CRTC1: variants seen among roughly 807,000 people sequenced by gnomAD.
The protein encoded by CRTC1 is CREB regulated transcription coactivator 1, also known as CREB-regulated transcription coactivator 1.
CRTC1 carries 18 observed loss-of-function variants against 66.1 expected under a neutral mutation model. The observed-to-expected ratio is 0.27, with a 90% CI of 0.19 to 0.40. The LOEUF is 0.40. Among genes scored for constraint, CRTC1 ranks in the 10% least tolerant of loss-of-function variants. CRTC1 has a pLI of 1.00. For missense variants in CRTC1, 669 were observed against 887.9 expected (o/e 0.75, Z 3.13); for synonymous variants, 416 against 398.8 (o/e 1.04, Z -0.51).
intron 1 of CRTC1, among the ~76,000 whole-genome samples, chr19:18,700,254 G>A (rs1192857736): frequency 6.6e-6 from 1 of 152,156 alleles, no homozygotes; most frequent in Non-Finnish European, 1.5e-5. Context: ...GGCCCAGAGG[G>A]GCTGAGTCTG....
chr19:18,695,771 A>G (rs2052970832), intron 1 of CRTC1, among the ~76,000 whole-genome samples: 1 of 152,154 alleles, frequency 6.6e-6, no homozygotes, highest in South Asian at 2.1e-4. Context: ...AGGGTGAGGC[A>G]GGAGAATGGC....
Position 18,745,832 on chromosome 19 carries a change from C to G in CRTC1, c.253C>G (p.Gln85Glu). ...TCTCCTCCTCCCCCAGACCCCCTTC[C>G]AATCCTCGGGCCTGGACACCAGCCG... ...TMDLPFQTPF[Q>E]SSGLDTSRTT... The change falls in exon 3 of 14, where the codon CAA becomes GAA. Residue 85 changes from glutamine to glutamate, a missense_variant. Transcript: ENST00000321949. 5.0e-6 allele frequency: 8 copies of G among 1,613,912 alleles called. No homozygotes were observed. The highest frequency in any genetic ancestry group is 6.8e-6 in the Non-Finnish European group (8 of 1,179,946).
In CRTC1 at chr19:18,781,609, GGGGAGTTCCTGAGGGCAT is replaced by G. The variant is rs1157527490; in HGVS notation, c.*4231_*4248del. 4.4e-6 allele frequency: 1 copy of G among 229,618 alleles called. No individual in the cohort carries two copies. The highest frequency in any genetic ancestry group is 8.6e-6 in the Non-Finnish European group (1 of 115,838). The allele number at this position is 229,618 out of a possible 1,614,324, so 14.2% of individuals were successfully genotyped here. A position where few individuals can be genotyped will look rare whatever the true frequency, so the allele number is the denominator to read the frequency against. ...AGTTGTACCCCCAGGCCTGGGTGCT[GGGGAGTTCCTGAGGGCAT>G]GGGTGGGGCAGGAGTGAGTGCCTCG... On this transcript the variant is annotated 3_prime_UTR_variant, in exon 14 of 14. Transcript: ENST00000321949.
intron 1 of CRTC1, among the ~76,000 whole-genome samples, chr19:18,709,774 T>C (rs1050980112): frequency 1.3e-5 from 2 of 152,136 alleles, no homozygotes; most frequent in African/African-American, 4.8e-5. Context: ...AGTTAGGACC[T>C]GAGGGCTCCG....
At chr19:18,720,836 T>G (rs1222527065) in intron 1 of CRTC1, among the ~76,000 whole-genome samples, 1 of 145,178 alleles carries the variant, frequency 6.9e-6, no homozygotes, top group Non-Finnish European at 1.5e-5. Flanking sequence ...TCTCTGCTCA[T>G]GTACACTATG....
chr19:18,765,908 C>T (rs1454364472), intron 9 of CRTC1, among the ~76,000 whole-genome samples: 2 of 151,946 alleles, frequency 1.3e-5, no homozygotes, highest in East Asian at 1.9e-4. Flanking sequence ...CTGCAGTGAG[C>T]CATGATCACA....
At chr19:18,772,262 C>A (rs2145855669) in intron 11 of CRTC1, among the ~76,000 whole-genome samples, 1 of 152,330 alleles carries the variant, frequency 6.6e-6, no homozygotes, top group South Asian at 2.1e-4. Flanking sequence ...CCCCACTCAG[C>A]CTCCTCCTGT....
At chr19:18,718,062 G>T (rs1014744519) in intron 1 of CRTC1, among the ~76,000 whole-genome samples, 2 of 152,172 alleles carry the variant, frequency 1.3e-5, no homozygotes, top group Non-Finnish European at 2.9e-5. Context: ...GGCGTTTGGC[G>T]CATTCACAGT....
At chr19:18,735,062 G>A (rs1600881001) in intron 1 of CRTC1, among the ~76,000 whole-genome samples, 1 of 152,242 alleles carries the variant, frequency 6.6e-6, no homozygotes, top group South Asian at 2.1e-4. Context: ...ACGGGCTTCT[G>A]AGCAAAATGC....
intron 1 of CRTC1, among the ~76,000 whole-genome samples, chr19:18,730,395 C>T (rs1268968829): frequency 2.6e-5 from 4 of 152,032 alleles, no homozygotes; most frequent in African/African-American, 7.2e-5. Flanking sequence ...GGGGTGGAGT[C>T]GGGGTCACAT....
In CRTC1 at chr19:18,777,316, C is replaced by T; in HGVS notation, c.1839C>T (p.Leu613=). The T allele has an allele frequency of 1.2e-6, 2 of 1,611,266 alleles. No homozygotes were observed. Among genetic ancestry groups the T allele is most frequent in the Non-Finnish European group, 1.7e-6 (2 of 1,179,984 alleles). Residue 613 remains leucine (L), a synonymous_variant, in exon 14 of 14, where the codon CTC becomes CTT. Coordinates refer to ENST00000321949, the MANE Select transcript of CRTC1 (RefSeq NM_015321.3). The surrounding 1 kb of genome is among the most constrained non-coding windows in gnomAD (Gnocchi z 5.5). The stretch of plus-strand genomic sequence containing the variant: ...TGACCCTCGACGGACTGCACATGCT[C>T]AACGACCCCGACATGGTTCTGGCCG... ...DPLTLDGLHM[L]NDPDMVLADP... is the part of the protein sequence containing the mutation.
rs1391102248 is a variant in CRTC1, at chr19:18,771,847, C to T, written c.1425+301C>T. Among the ~76,000 whole-genome samples, 1 of 152,156 alleles carries T rather than the reference C, an allele frequency of 6.6e-6. No individual in the cohort carries two copies. Among genetic ancestry groups the T allele is most frequent in the Non-Finnish European group, 1.5e-5 (1 of 68,028 alleles). On this transcript the variant is annotated intron_variant, in intron 11 of 13. Transcript: ENST00000321949. This position sits in a 1 kb window ranked among gnomAD's most constrained non-coding sequence, Gnocchi z 4.6. ...TGCCTGGATGTCCTCATTGAGTGGCCCAGGGACAATGCCCTCCACACCCAG... is the reference window on the plus strand; with the variant it reads ...TGCCTGGATGTCCTCATTGAGTGGCTCAGGGACAATGCCCTCCACACCCAG...
chr19:18,707,294 G>A (rs541071634), intron 1 of CRTC1, among the ~76,000 whole-genome samples: 1 of 152,246 alleles, frequency 6.6e-6, no homozygotes, highest in African/African-American at 2.4e-5. Context: ...GTTAGATCAG[G>A]GCACAGCTTC....
rs769340461 is a variant in CRTC1 at position 18,749,883 on chromosome 19, C to A, written c.538+8C>A. 6.2e-7 allele frequency: 1 copy of A among 1,611,460 alleles called. No homozygotes were observed. The highest frequency in any genetic ancestry group is 1.1e-5 in the South Asian group (1 of 91,008). On this transcript the variant is annotated splice_region_variant and intron_variant, in intron 5 of 13. Transcript: ENST00000321949. ...ACGTGCACCAGAAAAGAGGTATGGA[C>A]AGGGGACTCGGGTGTCTCTGCTGGG...
At chr19:18,717,797 T>A (rs1372205291) in intron 1 of CRTC1, among the ~76,000 whole-genome samples, 1 of 152,022 alleles carries the variant, frequency 6.6e-6, no homozygotes, top group African/African-American at 2.4e-5. Flanking sequence ...ATGCCAGCCC[T>A]GGTCAAGGCA....
intron 1 of CRTC1, among the ~76,000 whole-genome samples, chr19:18,711,623 G>A (rs1303761351): frequency 6.6e-6 from 1 of 152,238 alleles, no homozygotes; most frequent in African/African-American, 2.4e-5. Context: ...AGGCTCTGAC[G>A]TGGGCCTGAG....
chr19:18,761,903 ACCTGGGC>A (rs893261304), intron 8 of CRTC1, among the ~76,000 whole-genome samples: 9 of 152,162 alleles, frequency 5.9e-5, no homozygotes, highest in South Asian at 2.1e-4. Context: ...TGACTCCCAC[ACCTGGGC>A]CCTGGGCCCT....
At position 18,692,192 on chromosome 19, in the gene CRTC1, C is replaced by G. The variant is rs186482315; in HGVS notation, c.126+8364C>G. On this transcript the variant is annotated intron_variant, in intron 1 of 13. Transcript: ENST00000321949. The stretch of plus-strand genomic sequence containing the variant: ...AAAGGGCTGAATGAAGGGTCCACTC[C>G]GGGCCTCGGTGGTAACCCCACACAA... 2.0e-4 allele frequency among the ~76,000 whole-genome samples: 30 copies of G among 152,266 alleles called. No individual in the cohort carries two copies. In the East Asian group the frequency reaches 5.2e-3, roughly 26 times the overall value.
At chr19:18,729,832 C>G (rs73537975) in intron 1 of CRTC1, among the ~76,000 whole-genome samples, 2,207 of 152,302 alleles carry the variant, frequency 0.014, 75 homozygotes, top group African/African-American at 0.051. Flanking sequence ...GTGGCCTCCC[C>G]CAGAGGTGGT....
Sources: gnomAD v4.1 joint callset for allele counts (sites outside exome capture counted in the v4.1 genomes callset) on GRCh38, gnomAD v4.1.1 for gene constraint, Gnocchi (gnomAD v3.1) non-coding constraint, MANE v1.5 for transcripts, NCBI Gene and HGNC (gene_info 2026-07-23, HGNC 2026-07-21) for gene names.